Variants in LZTS2 observed in about 807,000 individuals in gnomAD.
LZTS2 encodes the protein leucine zipper tumor suppressor 2.
Under a neutral mutation model 60.6 loss-of-function variants are expected in LZTS2, and 32 were observed. The observed-to-expected ratio is 0.53, with a 90% confidence interval of 0.40 to 0.71. The LOEUF (loss-of-function observed/expected upper bound fraction) is 0.71, where lower values mean the gene tolerates loss of function less well. Among genes scored for constraint, LZTS2 ranks in the 30% least tolerant of loss-of-function variants. LZTS2 has a pLI of 0.00. For synonymous variants in LZTS2, 360 were observed against 393.1 expected (o/e 0.92, Z 1.00); for missense variants, 792 against 901.9 (o/e 0.88, Z 1.56).
At chr10:100,997,632 C>A (rs1851943434), upstream of LZTS2, among the ~76,000 whole-genome samples, 1 of 152,152 alleles carries the variant, frequency 6.6e-6, no homozygotes, top group Non-Finnish European at 1.5e-5. Context: ...TGGGACGCAC[C>A]CGGAGGTTCC....
chr10:101,000,368 C>T (rs1852008967), exon 1 of LZTS2: 1 of 152,260 alleles, frequency 6.6e-6, no homozygotes, highest in Non-Finnish European at 1.5e-5. Flanking sequence ...GCCCCTCCTT[C>T]TCTTTCGGGC....
At chr10:101,000,585 CTT>C (rs1852014141) in exon 1 of LZTS2, 1 of 152,352 alleles carries the variant, frequency 6.6e-6, no homozygotes, top group South Asian at 2.1e-4. Context: ...GTCTTTGTCT[CTT>C]TTGGGTCCCT....
chr10:100,998,696 A>C (rs937795588), upstream of LZTS2: 2 of 152,230 alleles, frequency 1.3e-5, no homozygotes, highest in African/African-American at 4.8e-5. Flanking sequence ...ATATTTGTGA[A>C]GCACGGCGTG....
chr10:100,998,026 C>T (rs1468840558), upstream of LZTS2, among the ~76,000 whole-genome samples: 122 of 152,218 alleles, frequency 8.0e-4, 2 homozygotes, highest in Non-Finnish European at 1.0e-4. Flanking sequence ...TACCGCCAGC[C>T]CAGAGAGCAG....
At chr10:101,005,869 AG>A (rs981487702) in intron 3 of LZTS2, among the ~76,000 whole-genome samples, 154 bp downstream of exon 4, 2 of 151,688 alleles carry the variant, frequency 1.3e-5, no homozygotes, top group South Asian at 4.2e-4. Context: ...CCTTTCTGGG[AG>A]GGGGGTCTCC....
chr10:101,006,328 G>A (rs1852192353), intron 3 of LZTS2, among the ~76,000 whole-genome samples, 157 bp from the exon 5 acceptor site: 1 of 152,218 alleles, frequency 6.6e-6, no homozygotes. Context: ...TTAACTGTAT[G>A]ACCTTGGACA....
chr10:100,997,215 C>G (rs1050962259), upstream of LZTS2: 3 of 152,436 alleles, frequency 2.0e-5, no homozygotes, highest in Non-Finnish European at 4.4e-5. Context: ...GAACTGGAGC[C>G]GAGGCGCAGG....
chr10:101,005,367 CCTG>C (rs1474022629), intron 2 of LZTS2, 88 bp from the exon 4 acceptor site: 1 of 1,416,646 alleles, frequency 7.1e-7, no homozygotes, highest in Non-Finnish European at 9.3e-7. Context: ...ATCCACCCTT[CCTG>C]AGCCCTCGGA....
At chr10:101,005,388 T>C (rs1447288781) in intron 2 of LZTS2, 70 bp from the exon 4 acceptor site, 3 of 1,482,748 alleles carry the variant, frequency 2.0e-6, no homozygotes, top group Non-Finnish European at 2.7e-6. Context: ...GGAAGTGGGC[T>C]GCCAGAGCAG....
chr10:101,003,440 G>A lies in LZTS2; in HGVS notation c.409-67G>A, dbSNP rs546032516. 2.7e-6 allele frequency: 4 copies of A among 1,470,474 alleles called. No individual in the cohort carries two copies. The African/African-American group carries it at 4.2e-5, about 16-fold the overall frequency. 91.1% of individuals were successfully genotyped at this position (1,470,474 alleles called of 1,614,324 possible). ...CTGGGGACCCAAGACGGGAGGGCAG[G>A]GAGTGTCATAAGGGCTCTGCAAGAT... On this transcript the variant is annotated intron_variant, in intron 1 of 3. Coordinates refer to ENST00000370220, the Ensembl canonical transcript of LZTS2.
Position 101,002,656 on chromosome 10 carries a change from G to A in LZTS2, c.118G>A (p.Gly40Arg), listed in dbSNP as rs148075274. 5.6e-5 allele frequency: 90 copies of A among 1,606,130 alleles called. No homozygotes were observed. The highest frequency in any genetic ancestry group is 4.7e-4 in the African/African-American group (35 of 74,894). ...CCTTATCTCAGGCCGGCCCTGTCCC[G>A]GGGGGCCAGCTCCTCCCCGCCACCA... Residue 40 changes from glycine (G) to arginine (R), a missense_variant, in exon 1 of 4, where the codon GGG (glycine) becomes AGG (arginine). Transcript: ENST00000370220.
chr10:101,007,427 C>A, exon 4 of LZTS2: 1 of 1,450,306 alleles, frequency 6.9e-7, no homozygotes, highest in Non-Finnish European at 9.1e-7. Context: ...TTCCCCACCG[C>A]TGCCAGTGCC....
At chr10:101,007,245 A>G (rs1852241045) in exon 4 of LZTS2, 2 of 1,450,618 alleles carry the variant, frequency 1.4e-6, no homozygotes, top group Admixed American at 2.8e-5. Context: ...CCCAGGGTCC[A>G]CGGATGGCCC....
exon 2 of LZTS2, chr10:101,004,033 C>T (rs1165440051): frequency 6.2e-7 from 1 of 1,613,260 alleles, no homozygotes; most frequent in East Asian, 2.2e-5. Context: ...GAGCGCTCAC[C>T]ACCACCCCCG....
upstream of LZTS2, among the ~76,000 whole-genome samples, chr10:100,997,782 C>T (rs1185777331): frequency 6.6e-6 from 1 of 152,226 alleles, no homozygotes; most frequent in Admixed American, 6.5e-5. Flanking sequence ...TTTGCTTGGT[C>T]CCAGGCCGGA....
exon 1 of LZTS2, chr10:101,001,165 G>A (rs536436238): frequency 1.3e-5 from 2 of 152,302 alleles, no homozygotes; most frequent in East Asian, 3.9e-4. Flanking sequence ...ACAAACACAG[G>A]AGCTCACACA....
At chr10:101,005,836 GT>G in intron 3 of LZTS2, 121 bp downstream of exon 4, 2 of 1,291,746 alleles carry the variant, frequency 1.5e-6, no homozygotes, top group Non-Finnish European at 2.1e-6. Context: ...TCTCACCTCC[GT>G]GAGATGAGGT....
exon 1 of LZTS2, chr10:100,999,501 T>C (rs563312103): frequency 1.5e-4 from 23 of 152,216 alleles, no homozygotes; most frequent in African/African-American, 4.3e-4. Context: ...CCGTGGCCCT[T>C]TGTGCTGGAA....
chr10:100,998,016 T>C (rs1851950516), upstream of LZTS2, among the ~76,000 whole-genome samples: 1 of 152,162 alleles, frequency 6.6e-6, no homozygotes, highest in African/African-American at 2.4e-5. Context: ...CCCCGCCTGT[T>C]ACCGCCAGCC....
Sources: gnomAD v4.1 joint callset for allele counts (sites outside exome capture counted in the v4.1 genomes callset) on GRCh38, gnomAD v4.1.1 for gene constraint, MANE v1.5 for transcripts, NCBI Gene and HGNC (gene_info 2026-07-23, HGNC 2026-07-21) for gene names.